The following SPTBN5 variants were observed in gnomAD, a reference collection of about 807,000 sequenced individuals.
The protein encoded by SPTBN5 is spectrin beta, non-erythrocytic 5, also known as spectrin beta chain, non-erythrocytic 5.
In SPTBN5, 513 loss-of-function variants were observed where a neutral mutation model predicts 477.6. The observed-to-expected ratio is 1.07, with a 90% CI of 1.00 to 1.16. The LOEUF is 1.16. SPTBN5 is among the 50% of genes most tolerant of loss of function. The pLI is 0.00. For missense variants in SPTBN5, 5,062 were observed against 4,731.8 expected (o/e 1.07, Z -2.05); for synonymous variants, 2,169 against 2,011.7 (o/e 1.08, Z -2.09).
Position 41,870,018 on chromosome 15 carries a change from C to T in SPTBN5, c.5676G>A (p.Leu1892=), listed in dbSNP as rs563475404. 4.0e-6 allele frequency: 6 copies of T among 1,487,380 alleles called. No individual in the cohort carries two copies. The highest frequency in any genetic ancestry group is 2.5e-5 in the Admixed American group (1 of 40,320). The allele number at this position is 1,487,380 out of a possible 1,614,324, so 92.1% of individuals were successfully genotyped here. The change falls in exon 32 of 68, where the codon CTG becomes CTA. Residue 1892 remains leucine (L), a splice_region_variant and synonymous_variant. Coordinates refer to ENST00000320955, the MANE Select transcript of SPTBN5 (RefSeq NM_016642.4). ...TGCCTGCAGTCTCCAGCAGTTCCTGCAGCTGCGGGAGGGGCAGGGAATAGG... is the reference window on the plus strand; with the variant it reads ...TGCCTGCAGTCTCCAGCAGTTCCTGTAGCTGCGGGAGGGGCAGGGAATAGG... The part of the protein sequence containing the change: ...ERELVGTERQ[L]QELLETAGRV...
intron 22 of SPTBN5, 30 bp from the exon 23 acceptor site, chr15:41,875,086 T>G (rs2066680382): frequency 6.3e-7 from 1 of 1,583,302 alleles, no homozygotes; most frequent in African/African-American, 1.3e-5. Flanking sequence ...CTGCATTAGG[T>G]TCTCTGTGTA....
chr15:41,877,228 C>T lies in SPTBN5; in HGVS notation c.3599G>A (p.Arg1200Lys), dbSNP rs1180892944. Residue 1200 changes from arginine (R) to lysine (K), a missense_variant, in exon 18 of 68, where the codon AGG becomes AAG. Coordinates refer to ENST00000320955, the MANE Select transcript of SPTBN5 (RefSeq NM_016642.4). ...CAGCCCCTCTTGCAGCCACTGCTGC[C>T]TCTGCTCCCACAAAACCTTCAGCTC... ...GQELKVLWEQ[R>K]QQWLQEGLEL... 1.9e-6 allele frequency: 3 copies of T among 1,614,034 alleles called. No individual in the cohort carries two copies. The highest frequency in any genetic ancestry group is 2.5e-6 in the Non-Finnish European group (3 of 1,179,900).
chr15:41,870,183 G>T, intron 31 of SPTBN5, 60 bp downstream of exon 31: 1 of 1,510,420 alleles, frequency 6.6e-7, no homozygotes, highest in Non-Finnish European at 8.9e-7. Context: ...AGAGGAACAG[G>T]CAGGCCAGCC....
rs947784314 is a variant in SPTBN5 at position 41,890,115 on chromosome 15, G to A, written c.475C>T (p.Gln159Ter). The A allele has an allele frequency of 5.0e-6, 8 of 1,612,354 alleles. No homozygotes were observed. The highest frequency in any genetic ancestry group is 6.8e-6 in the Non-Finnish European group (8 of 1,179,244). Residue 159 changes from glutamine to a stop codon, truncating the protein, a stop_gained, in exon 4 of 68, where the codon CAG (glutamine) becomes TAG (stop). Transcript: ENST00000320955. LOFTEE classifies it high-confidence loss of function. ...TTGTCCAAGGAGATGTGGGAGATCT[G>A]GAAACGCAGAATGATGACCCAGATG... is the stretch of plus-strand genomic sequence containing the variant. ...GLIWVIILRFQISHISLDKEE... is the reference protein window; with the variant it reads ...GLIWVIILRF
chr15:41,849,624 C>G (rs987300189), intron 67 of SPTBN5, among the ~76,000 whole-genome samples: 5 of 152,122 alleles, frequency 3.3e-5, no homozygotes, highest in African/African-American at 4.8e-5. Context: ...CTACAGGGTC[C>G]CCACACTAGA....
Position 41,854,071 on chromosome 15 carries a change from C to T in SPTBN5, c.9753G>A (p.Gln3251=). 6.4e-7 allele frequency: 1 copy of T among 1,574,026 alleles called. No individual in the cohort carries two copies. The highest frequency in any genetic ancestry group is 8.6e-7 in the Non-Finnish European group (1 of 1,162,322). The change falls in exon 57 of 68, where the codon CAG becomes CAA. Residue 3251 remains glutamine, a synonymous_variant. Transcript: ENST00000320955. ...TCACCTCCAGGCGCCTGTGCTGTTG[C>T]TGCAGGGTCCGCACAGATGACAGGC... The part of the protein sequence containing the change: ...GHSLSSVRTL[Q]QQHRRLEREL...
chr15:41,875,312 G>T, intron 22 of SPTBN5, 146 bp downstream of exon 22: 1 of 1,085,734 alleles, frequency 9.2e-7, no homozygotes, highest in Non-Finnish European at 1.3e-6. Flanking sequence ...TGAGCGGAAA[G>T]CCACGCTCAG....
Position 41,875,051 on chromosome 15 carries a change from T to C in SPTBN5, c.4293A>G (p.Ala1431=), listed in dbSNP as rs62002142. The change falls in exon 23 of 68, where the codon GCA becomes GCG. Residue 1431 remains alanine, a synonymous_variant. Transcript: ENST00000320955. ...CTTCGAGCTGCTCCAGCTGCTCCTTTGCATCCTGGGAGGGACGCATGGAGC... is the reference window on the plus strand; with the variant it reads ...CTTCGAGCTGCTCCAGCTGCTCCTTCGCATCCTGGGAGGGACGCATGGAGC... ...QEQLLRQLQD[A]KEQLEQLEGA... is the part of the protein sequence containing the mutation. The C allele has an allele frequency of 4.4e-3, 7,085 of 1,610,508 alleles. 33 individuals are homozygous for C. Among genetic ancestry groups the C allele is most frequent in the Middle Eastern group, 5.8e-3 (35 of 6,048 alleles).
In SPTBN5 at chr15:41,861,849, G is replaced by T; in HGVS notation, c.7623C>A (p.His2541Gln). 6.2e-7 allele frequency: 1 copy of T among 1,607,610 alleles called. No individual in the cohort carries two copies. The highest frequency in any genetic ancestry group is 8.5e-7 in the Non-Finnish European group (1 of 1,179,338). The stretch of plus-strand genomic sequence containing the variant: ...CCTGGCGAATGTCGGAGCTGAAGGG[G>T]TGCCCCGCTGTGAGCAGTTGCTGCC... ...STGQQLLTAG[H>Q]PFSSDIRQVL... Residue 2541 changes from histidine to glutamine, a missense_variant, in exon 45 of 68, where the codon CAC becomes CAA. Transcript: ENST00000320955.
chr15:41,853,198 G>A, intron 59 of SPTBN5, 60 bp downstream of exon 59: 1 of 1,536,528 alleles, frequency 6.5e-7, no homozygotes, highest in Non-Finnish European at 8.8e-7. Context: ...GGGCCCTGAG[G>A]CCCTGGGCAA....
chr15:41,858,777 G>T (rs370950954), intron 48 of SPTBN5, 29 bp from the exon 49 acceptor site: 3 of 1,598,032 alleles, frequency 1.9e-6, no homozygotes, highest in South Asian at 1.1e-5. Flanking sequence ...CAGGCCTGCT[G>T]TCCAGGGCTT....
At chr15:41,888,456 A>T (rs917605570) in intron 4 of SPTBN5, among the ~76,000 whole-genome samples, 3 of 152,062 alleles carry the variant, frequency 2.0e-5, no homozygotes, top group Admixed American at 6.5e-5. Context: ...GCTTCATGAA[A>T]CTGGGTCCCG....
intron 67 of SPTBN5, among the ~76,000 whole-genome samples, chr15:41,848,921 G>A (rs2065648743): frequency 6.6e-6 from 1 of 152,208 alleles, no homozygotes; most frequent in South Asian, 2.1e-4. Flanking sequence ...AGCCTCAGGA[G>A]CCACTGTGTC....
rs1235649850 is a variant in SPTBN5, at chr15:41,851,039, G to A, written c.10835+20C>T. On this transcript the variant is annotated intron_variant, in intron 65 of 67. Transcript: ENST00000320955. The stretch of plus-strand genomic sequence containing the variant: ...GGTGGCTGCTGGGGGTGATGCCGGA[G>A]TCCATGTCTCTCCGCTCACCTTAAG... The A allele has an allele frequency of 1.9e-6, 3 of 1,607,424 alleles. No individual in the cohort carries two copies. Among genetic ancestry groups the A allele is most frequent in the Admixed American group, 1.7e-5 (1 of 59,192 alleles).
rs1408370086 is a variant in SPTBN5 at position 41,888,033 on chromosome 15, A to G, written c.554T>C (p.Val185Ala). Residue 185 changes from valine to alanine, a missense_variant, in exon 5 of 68, where the codon GTC (valine) becomes GCC (alanine). Val to Ala is a moderately conservative substitution (Grantham distance 64). Transcript: ENST00000320955. ...ALLSTKEALL[V>A]WCQRKTASYT... ...GCTGGCTGTCTTCCGCTGGCACCAGACCAGCAGGGCTTCCTTGGTGGACAG... is the reference window on the plus strand; with the variant it reads ...GCTGGCTGTCTTCCGCTGGCACCAGGCCAGCAGGGCTTCCTTGGTGGACAG... 1.3e-6 allele frequency: 2 copies of G among 1,588,192 alleles called. No individual in the cohort carries two copies. The highest frequency in any genetic ancestry group is 1.8e-5 in the Admixed American group (1 of 55,936).
At chr15:41,870,198 G>C in intron 31 of SPTBN5, 45 bp downstream of exon 31, 1 of 1,524,832 alleles carries the variant, frequency 6.6e-7, no homozygotes, top group East Asian at 2.5e-5. Context: ...CCAGCCTGAG[G>C]GGGCTGCAGG....
At chr15:41,891,860 G>A (rs935434053) in intron 3 of SPTBN5, among the ~76,000 whole-genome samples, 1 of 152,178 alleles carries the variant, frequency 6.6e-6, no homozygotes, top group African/African-American at 2.4e-5. Flanking sequence ...TATGTGTATG[G>A]AGACAAGGAT....
At chr15:41,889,130 G>A (rs1320628696) in intron 4 of SPTBN5, among the ~76,000 whole-genome samples, 2 of 152,214 alleles carry the variant, frequency 1.3e-5, no homozygotes, top group Non-Finnish European at 2.9e-5. Context: ...CCTGAAACTG[G>A]CCAGGGGCCT....
In SPTBN5 at chr15:41,876,329, G is replaced by A. The variant is rs1393684958; in HGVS notation, c.3952-45C>T. 2.7e-6 allele frequency: 4 copies of A among 1,498,872 alleles called. No individual in the cohort carries two copies. In the African/African-American group the frequency reaches 5.5e-5, roughly 21 times the overall value. The allele number at this position is 1,498,872 out of a possible 1,614,324, so 92.8% of individuals were successfully genotyped here. ...AGTGGGTCTCAGAGCACGGTGGGTG[G>A]GGGCTGGTGCCTAGCCCTGCATCTG... On this transcript the variant is annotated intron_variant, in intron 20 of 67. Transcript: ENST00000320955.
Sources: gnomAD v4.1 joint callset for allele counts (sites outside exome capture counted in the v4.1 genomes callset) on GRCh38, gnomAD v4.1.1 for gene constraint, MANE v1.5 for transcripts, NCBI Gene and HGNC (gene_info 2026-07-23, HGNC 2026-07-21) for gene names.